Variants in L1CAM observed in about 807,000 individuals in gnomAD.
L1CAM encodes L1 cell adhesion molecule.
Under a neutral mutation model 93.0 loss-of-function variants are expected in L1CAM, and 8 were observed. The observed-to-expected ratio is 0.09, with a 90% CI of 0.05 to 0.16. The LOEUF is 0.16. Ranked by LOEUF, L1CAM falls within the 10% of genes least tolerant of loss-of-function variation. The pLI is 1.00. For synonymous variants in L1CAM, 453 were observed against 453.0 expected (o/e 1.00, Z 0.00); for missense variants, 777 against 1,073.4 (o/e 0.72, Z 3.86).
chrX:153,873,125 A>C, intron 3 of L1CAM, 103 bp downstream of exon 3: 1 of 779,963 alleles, frequency 1.3e-6, no homozygotes, highest in Non-Finnish European at 2.0e-6. Flanking sequence ...AGAGCCGAGC[A>C]GGGCCCCGGC....
intron 5 of L1CAM, among the ~76,000 whole-genome samples, chrX:153,871,861 G>GCCCCCCCCCCCCCCC (rs1400258583): frequency 9.6e-5 from 2 of 20,810 alleles, no homozygotes; most frequent in African/African-American, 2.7e-4. Context: ...CCACCAGCCC[G>GCCCCCCCCCCCCCCC]CCCCCCCCTC....
chrX:153,875,023 C>T (rs1455373340), intron 2 of L1CAM, among the ~76,000 whole-genome samples: 6 of 112,175 alleles, frequency 5.3e-5, no homozygotes, highest in Non-Finnish European at 1.1e-4. Context: ...AAATCACATT[C>T]ACGAATATCT....
chrX:153,872,846 A>C, intron 3 of L1CAM, 149 bp from the exon 4 acceptor site: 2 of 515,219 alleles, frequency 3.9e-6, no homozygotes, highest in Non-Finnish European at 6.9e-6. Context: ...AGAACAAAAG[A>C]GGCTTGTGGG....
Position 153,875,895 on chromosome X carries a change from G to A in L1CAM, c.-59C>T. On this transcript the variant is annotated 5_prime_UTR_variant, in exon 2 of 29. Coordinates refer to ENST00000370060, the MANE Select transcript of L1CAM (RefSeq NM_001278116.2). ...GGGCTCGGTTCAGGCTCCGGCCGGA[G>A]GGGAAGGGGGCTGGTGGGCGGCTTG... 9.1e-7 allele frequency: 1 copy of A among 1,095,569 alleles called. No individual in the cohort carries two copies. Among genetic ancestry groups the A allele is most frequent in the Non-Finnish European group, 1.2e-6 (1 of 800,822 alleles). The allele number at this position is 1,095,569 out of a possible 1,213,427, so 90.3% of individuals were successfully genotyped here.
Position 153,865,351 on chromosome X carries a change from G to A in L1CAM, c.2697C>T (p.Asn899=), listed in dbSNP as rs139178593. 160 of 1,209,599 alleles carry A rather than the reference G, an allele frequency of 1.3e-4. No homozygotes were observed. In the African/African-American group the frequency reaches 1.7e-3, roughly 13 times the overall value. The change falls in exon 21 of 29, where the codon AAC becomes AAT. Residue 899 remains asparagine, a synonymous_variant. Coordinates refer to ENST00000370060, the MANE Select transcript of L1CAM (RefSeq NM_001278116.2). ...SSYHLEVQAF[N]GRGSGPASEF... Reference sequence around the variant, plus strand: ...CGCTGGCGGGCCCCGATCCTCGCCCGTTAAAGGCCTGCACCTCCAGGTGGT... The same window carrying A: ...CGCTGGCGGGCCCCGATCCTCGCCCATTAAAGGCCTGCACCTCCAGGTGGT...
chrX:153,865,107 G>A lies in L1CAM; in HGVS notation c.2853C>T (p.Tyr951=), dbSNP rs148187017. The A allele has an allele frequency of 1.6e-4, 195 of 1,209,590 alleles. 1 individual carries two copies. Among genetic ancestry groups the A allele is most frequent in the Non-Finnish European group, 2.1e-4 (187 of 895,094 alleles). Reference sequence around the variant, plus strand: ...ACGCACGGGGGTGGTAGGAGAGCACGTAGCCGGTGAGCACGCCGTTGTGGC... The same window carrying A: ...ACGCACGGGGGTGGTAGGAGAGCACATAGCCGGTGAGCACGCCGTTGTGGC... ...PLSHNGVLTG[Y]VLSYHPLDEG... is the part of the protein sequence containing the mutation. The change falls in exon 22 of 29, where the codon TAC becomes TAT. Residue 951 remains tyrosine, a synonymous_variant. Transcript: ENST00000370060.
In L1CAM at chrX:153,875,924, C is replaced by A; in HGVS notation, c.-88G>T. The A allele has an allele frequency of 3.7e-6, 1 of 273,840 alleles. No homozygotes were observed. Among genetic ancestry groups the A allele is most frequent in the Admixed American group, 5.8e-5 (1 of 17,248 alleles). 22.6% of individuals were successfully genotyped at this position (273,840 alleles called of 1,213,427 possible). ...AAGGGGGCTGGTGGGCGGCTTGGGGCGGGAGTTGGGAGTGGGGGCACTGGG... is the reference window on the plus strand; with the variant it reads ...AAGGGGGCTGGTGGGCGGCTTGGGGAGGGAGTTGGGAGTGGGGGCACTGGG... On this transcript the variant is annotated 5_prime_UTR_variant, in exon 2 of 29. Coordinates refer to ENST00000370060, the MANE Select transcript of L1CAM (RefSeq NM_001278116.2).
In L1CAM at chrX:153,867,890, G is replaced by A. The variant is rs782727308; in HGVS notation, c.1849C>T (p.Arg617Trp). 25 of 1,208,382 alleles carry A rather than the reference G, an allele frequency of 2.1e-5. No individual in the cohort carries two copies. The highest frequency in any genetic ancestry group is 8.8e-5 in the South Asian group (5 of 56,753). ...AGGTGCAGGTCGGACAGCACCAGCC[G>A]TGGCACCGGCCCAGGGCTCCCTGAG... The part of the protein sequence containing the change: ...LVVGSPGPVP[R>W]LVLSDLHLLT... Residue 617 changes from arginine (R) to tryptophan (W), a missense_variant, in exon 16 of 29, where the codon CGG becomes TGG. By Grantham distance (101) the Arg-to-Trp change is moderately radical. This residue lies in a region of L1CAM where 574 missense variants were observed against 781.0 expected (regional missense o/e 0.73). Coordinates refer to ENST00000370060, the MANE Select transcript of L1CAM (RefSeq NM_001278116.2).
At chrX:153,864,260 G>A in intron 25 of L1CAM, 62 bp downstream of exon 25, 1 of 1,153,930 alleles carries the variant, frequency 8.7e-7, no homozygotes. Flanking sequence ...GGGACAGAAG[G>A]ACATGAATTG....
At chrX:153,867,321 C>G (rs782782123) in intron 17 of L1CAM, 35 bp downstream of exon 17, 1 of 1,153,044 alleles carries the variant, frequency 8.7e-7, no homozygotes, top group South Asian at 1.8e-5. Context: ...GAGCCCCTTC[C>G]AGGTGGCATG....
At chrX:153,872,505 C>T (rs782685806) in intron 4 of L1CAM, 87 bp downstream of exon 4, 12 of 965,813 alleles carry the variant, frequency 1.2e-5, no homozygotes, top group Non-Finnish European at 1.6e-5. Flanking sequence ...TTTGGGGCTT[C>T]TGGGCTTAGA....
At chrX:153,883,707 G>T (rs1557096210) in intron 1 of L1CAM, 1 of 332,238 alleles carries the variant, frequency 3.0e-6, no homozygotes, top group African/African-American at 2.6e-5. Flanking sequence ...CTCATGCCTG[G>T]CAGACCAGGG....
At chrX:153,873,406 G>A (rs1454983826) in intron 2 of L1CAM, among the ~76,000 whole-genome samples, 164 bp from the exon 3 acceptor site, 1 of 112,363 alleles carries the variant, frequency 8.9e-6, no homozygotes, top group Non-Finnish European at 1.9e-5. Flanking sequence ...GGGGGCACAC[G>A]CTGGGCTGGA....
At chrX:153,877,419 G>A (rs1329441995) in intron 1 of L1CAM, among the ~76,000 whole-genome samples, 4 of 101,649 alleles carry the variant, frequency 3.9e-5, no homozygotes, top group South Asian at 4.9e-4. Context: ...CGGAGATTGC[G>A]CCATTGTACT....
Position 153,865,773 on chromosome X carries a change from T to C in L1CAM, c.2478A>G (p.Ser826=). The C allele has an allele frequency of 8.3e-7, 1 of 1,210,713 alleles. No individual in the cohort carries two copies. Among genetic ancestry groups the C allele is most frequent in the Non-Finnish European group, 1.1e-6 (1 of 894,448 alleles). ...GCCGCCACTTGACCAGCACGGCACT[T>C]GAGTTGAGGATTTCAATGCCTTCCA... The part of the protein sequence containing the change: ...PELEGIEILN[S]SAVLVKWRPV... The change falls in exon 20 of 29, where the codon TCA becomes TCG. Residue 826 remains serine, a synonymous_variant. Coordinates refer to ENST00000370060, the MANE Select transcript of L1CAM (RefSeq NM_001278116.2).
At chrX:153,873,563 T>C (rs2064791189) in intron 2 of L1CAM, among the ~76,000 whole-genome samples, 1 of 112,101 alleles carries the variant, frequency 8.9e-6, no homozygotes, top group South Asian at 3.7e-4. Context: ...ATTCTTGCCT[T>C]TAACAAGGAG....
Position 153,862,694 on chromosome X carries a change from G to T in L1CAM, c.3743C>A (p.Ser1248Tyr). The T allele has an allele frequency of 1.7e-6, 2 of 1,211,343 alleles. No individual in the cohort carries two copies. Among genetic ancestry groups the T allele is most frequent in the Non-Finnish European group, 2.2e-6 (2 of 894,815 alleles). ...TAGGGCCACGGCAGGGTTGATGGGG[G>T]AAGTGGCCCCTGAGCTGTCATTGCC... ...AGGNDSSGAT[S>Y]PINPAVALE Residue 1248 changes from serine to tyrosine, a missense_variant, in exon 29 of 29, where the codon TCC becomes TAC. This residue lies in a region of L1CAM where 110 missense variants were observed against 141.7 expected (regional missense o/e 0.78). Transcript: ENST00000370060.
chrX:153,881,585 C>T lies in L1CAM; in HGVS notation c.-109+4480G>A, dbSNP rs554032396. ...CGACACCAAACAAACCCCCAAGTCC[C>T]CCATCCAGGTACTCAGTCCAAGAGA... On this transcript the variant is annotated intron_variant, in intron 1 of 28. Coordinates refer to ENST00000370060, the MANE Select transcript of L1CAM (RefSeq NM_001278116.2). 1.1e-3 allele frequency among the ~76,000 whole-genome samples: 119 copies of T among 111,942 alleles called. 5 individuals carry two copies. The South Asian group carries it at 0.043, about 41-fold the overall frequency.
At chrX:153,879,725 T>C (rs1557095338) in intron 1 of L1CAM, among the ~76,000 whole-genome samples, 1 of 103,284 alleles carries the variant, frequency 9.7e-6, no homozygotes, top group East Asian at 3.2e-4. Flanking sequence ...CACTGCTGGC[T>C]GACCCATGCC....
Sources: allele counts gnomAD v4.1 joint callset (sites outside exome capture counted in the v4.1 genomes callset), GRCh38; gene constraint gnomAD v4.1.1; regional missense constraint gnomAD v4.1.1; transcripts MANE v1.5; gene names NCBI Gene and HGNC (gene_info 2026-07-23, HGNC 2026-07-21).